PTPRN2: variants seen among roughly 807,000 people sequenced by gnomAD.
PTPRN2 encodes receptor-type tyrosine-protein phosphatase N2.
PTPRN2 carries 74 observed loss-of-function variants against 118.8 expected under a neutral mutation model. That is an observed-to-expected ratio of 0.62 (90% CI 0.52 to 0.76). PTPRN2 has a LOEUF of 0.76. Among genes scored for constraint, PTPRN2 ranks in the 30% least tolerant of loss-of-function variants. The pLI, the probability that PTPRN2 is intolerant of heterozygous loss-of-function variation, is 0.00. For missense variants in PTPRN2, 1,481 were observed against 1,394.4 expected, an observed-to-expected ratio of 1.06 and a Z score of -0.99; for synonymous variants, 641 against 608.0, an observed-to-expected ratio of 1.05 and a Z score of -0.80.
intron 11 of PTPRN2, among the ~76,000 whole-genome samples, chr7:158,062,727 C>T (rs1009116711): frequency 7.9e-5 from 12 of 152,202 alleles, no homozygotes; most frequent in Non-Finnish European, 1.8e-4. Context: ...CCAGCAGCTG[C>T]GGAGGGTGTG....
intron 11 of PTPRN2, among the ~76,000 whole-genome samples, chr7:158,013,065 CAT>C (rs1379859824): frequency 6.6e-6 from 1 of 152,178 alleles, no homozygotes; most frequent in African/African-American, 2.4e-5. Flanking sequence ...TTTGTCCTCT[CAT>C]ATATGACTCG....
chr7:158,441,161 G>A (rs1007064038), intron 2 of PTPRN2, among the ~76,000 whole-genome samples: 1 of 149,762 alleles, frequency 6.7e-6, no homozygotes. Flanking sequence ...TGATAGTGAT[G>A]GTGATAGCAG....
rs190560118 is a variant in PTPRN2, at chr7:157,870,951, G to A, written c.1788+27722C>T. 1.0e-3 allele frequency among the ~76,000 whole-genome samples: 155 copies of A among 152,322 alleles called. 1 individual carries two copies. The highest frequency in any genetic ancestry group is 1.7e-3 in the Non-Finnish European group (119 of 68,026). ...GGAGATAGCTTTGGGTTTATTGGGC[G>A]TTCGATGTTGGGGATTGGATGGCCT... On this transcript the variant is annotated intron_variant, in intron 12 of 22. Transcript: ENST00000389418.
intron 12 of PTPRN2, among the ~76,000 whole-genome samples, chr7:157,815,281 T>TG (rs1467536516): frequency 6.6e-6 from 1 of 152,258 alleles, no homozygotes; most frequent in Non-Finnish European, 1.5e-5. Context: ...TCCTGAGGGC[T>TG]GGGCCACAGG....
chr7:158,149,893 A>C (rs980538976), intron 6 of PTPRN2, among the ~76,000 whole-genome samples: 3 of 152,112 alleles, frequency 2.0e-5, no homozygotes, highest in African/African-American at 7.2e-5. Context: ...TATGCTGAAC[A>C]AAAAGTGGCA....
rs193105763 is a variant in PTPRN2, at chr7:157,649,934, C to G, written c.2196+6423G>C. ...ACTGAACTCGGTGGGTCGGACCCATCCAGTGTGCACTGAACTCGGTGGGTT... is the reference window on the plus strand; with the variant it reads ...ACTGAACTCGGTGGGTCGGACCCATGCAGTGTGCACTGAACTCGGTGGGTT... On this transcript the variant is annotated intron_variant, in intron 14 of 22. Transcript: ENST00000389418. Among the ~76,000 whole-genome samples, 4 of 62,778 alleles carry G rather than the reference C, an allele frequency of 6.4e-5. No homozygotes were observed. In the Admixed American group the frequency reaches 7.7e-4, roughly 12 times the overall value. The allele number at this position is 62,778 out of a possible 152,430, so 41.2% of individuals were successfully genotyped here. A position where few individuals can be genotyped will look rare whatever the true frequency, so the allele number is the denominator to read the frequency against.
At chr7:158,470,604 T>C (rs1819782531) in intron 2 of PTPRN2, among the ~76,000 whole-genome samples, 1 of 152,230 alleles carries the variant, frequency 6.6e-6, no homozygotes, top group South Asian at 2.1e-4. Context: ...GACCGGCTGC[T>C]CAGTCAGTTC....
chr7:157,585,248 T>C lies in PTPRN2; in HGVS notation c.2497-7108A>G, dbSNP rs1195140354. Reference sequence around the variant, plus strand: ...GCTGAGGAGCAGCTGCAGCAACCTCTGGGACTTTTCCACCAGCAGTATTGC... The same window carrying C: ...GCTGAGGAGCAGCTGCAGCAACCTCCGGGACTTTTCCACCAGCAGTATTGC... On this transcript the variant is annotated intron_variant, in intron 17 of 22. Transcript: ENST00000389418. This position sits in a 1 kb window ranked among gnomAD's most constrained non-coding sequence, Gnocchi z 5.2. Among the ~76,000 whole-genome samples the C allele has an allele frequency of 6.6e-6, 1 of 152,148 alleles. No individual in the cohort carries two copies. The highest frequency in any genetic ancestry group is 1.5e-5 in the Non-Finnish European group (1 of 68,024).
intron 2 of PTPRN2, among the ~76,000 whole-genome samples, chr7:158,358,269 G>A (rs1808553893): frequency 6.6e-6 from 1 of 152,172 alleles, no homozygotes; most frequent in Non-Finnish European, 1.5e-5. Context: ...GTGGGCTGAG[G>A]TAGCCATGGG....
In PTPRN2 at chr7:157,560,662, C is replaced by T. The variant is rs1195398944; in HGVS notation, c.2902+8240G>A. Reference sequence around the variant, plus strand: ...CAGAGGAGGCCCTGCTCCTGCCCGACCGAAGGCAACTTCTCCCTTGAAGAG... The same window carrying T: ...CAGAGGAGGCCCTGCTCCTGCCCGATCGAAGGCAACTTCTCCCTTGAAGAG... On this transcript the variant is annotated intron_variant, in intron 21 of 22. Transcript: ENST00000389418. The surrounding 1 kb of genome is among the most constrained non-coding windows in gnomAD (Gnocchi z 6.7). Among the ~76,000 whole-genome samples the T allele has an allele frequency of 1.3e-5, 2 of 152,186 alleles. No homozygotes were observed. The highest frequency in any genetic ancestry group is 3.9e-4 in the East Asian group (2 of 5,192).
At chr7:157,841,042 C>T (rs146291114) in intron 12 of PTPRN2, among the ~76,000 whole-genome samples, 1 of 152,358 alleles carries the variant, frequency 6.6e-6, no homozygotes, top group Non-Finnish European at 1.5e-5. Context: ...TCTGCAGTGC[C>T]TTCTGCTGGA....
chr7:157,761,093 A>C (rs970681828), intron 12 of PTPRN2, among the ~76,000 whole-genome samples: 1 of 151,134 alleles, frequency 6.6e-6, no homozygotes, highest in African/African-American at 2.4e-5. Context: ...TCAAGGAAAT[A>C]AAAGAGGATA....
At chr7:157,620,426 G>A (rs1475166976) in intron 15 of PTPRN2, among the ~76,000 whole-genome samples, 1 of 152,208 alleles carries the variant, frequency 6.6e-6, no homozygotes, top group Non-Finnish European at 1.5e-5. Context: ...TCCCTAGCTA[G>A]GTAGTAGGTG....
intron 2 of PTPRN2, among the ~76,000 whole-genome samples, chr7:158,333,574 G>T (rs1418051859): frequency 2.7e-5 from 4 of 150,796 alleles, no homozygotes; most frequent in Non-Finnish European, 5.9e-5. Context: ...CATAAGAGCT[G>T]ATGCCGGCAC....
intron 2 of PTPRN2, among the ~76,000 whole-genome samples, chr7:158,408,909 A>G (rs1479835468): frequency 2.0e-5 from 3 of 151,860 alleles, no homozygotes; most frequent in Non-Finnish European, 2.9e-5. Context: ...ACAGCCTAAA[A>G]CTCTGTTACC....
At chr7:157,777,730 G>A (rs1421783546) in intron 12 of PTPRN2, among the ~76,000 whole-genome samples, 1 of 152,252 alleles carries the variant, frequency 6.6e-6, no homozygotes, top group Non-Finnish European at 1.5e-5. Context: ...ATCCCAGTGG[G>A]AAGGGCAGGC....
In PTPRN2 at chr7:158,331,980, C is replaced by T. The variant is rs1450687230; in HGVS notation, c.164-15048G>A. ...TAAGAGCTGACAACTGAAGACGTCA[C>T]TCACATCCACACTCTCTCCATAAGA... On this transcript the variant is annotated intron_variant, in intron 2 of 22. Coordinates refer to ENST00000389418, the MANE Select transcript of PTPRN2 (RefSeq NM_002847.5). Among the ~76,000 whole-genome samples the T allele has an allele frequency of 9.6e-4, 146 of 151,392 alleles. 10 individuals are homozygous for T. The highest frequency in any genetic ancestry group is 3.4e-3 in the African/African-American group (137 of 40,688).
At chr7:157,724,657 G>A (rs1799427134) in intron 12 of PTPRN2, among the ~76,000 whole-genome samples, 1 of 152,202 alleles carries the variant, frequency 6.6e-6, no homozygotes, top group African/African-American at 2.4e-5. Context: ...GCAGCTGGGC[G>A]AAACCATCTC....
At chr7:157,686,708 A>AACACCCCC (rs1301952156) in intron 12 of PTPRN2, among the ~76,000 whole-genome samples, 1 of 152,210 alleles carries the variant, frequency 6.6e-6, no homozygotes, top group East Asian at 1.9e-4. Context: ...TGAAAAGCGG[A>AACACCCCC]ACACCCCCTT....
Sources: gnomAD v4.1 joint callset for allele counts (sites outside exome capture counted in the v4.1 genomes callset) on GRCh38, gnomAD v4.1.1 for gene constraint, Gnocchi (gnomAD v3.1) non-coding constraint, MANE v1.5 for transcripts, NCBI Gene and HGNC (gene_info 2026-07-23, HGNC 2026-07-21) for gene names.